Variants in LSP1 observed in about 807,000 individuals in gnomAD.
LSP1 encodes lymphocyte specific protein 1.
LSP1 carries 32 observed loss-of-function variants against 49.3 expected under a neutral mutation model. The ratio of observed to expected loss-of-function variants is 0.65; its 90% CI spans 0.49 to 0.87. The LOEUF is 0.87. LSP1 is among the 40% of genes least tolerant of loss of function. The pLI is 0.00. For missense variants in LSP1, 428 were observed against 442.6 expected (o/e 0.97, Z 0.30); for synonymous variants, 179 against 178.8 (o/e 1.00, Z -0.01).
intron 1 of LSP1, among the ~76,000 whole-genome samples, chr11:1,874,016 C>T (rs1343413923): frequency 2.0e-4 from 25 of 126,116 alleles, no homozygotes; most frequent in Non-Finnish European, 3.2e-4. Context: ...GCAGGGAGGC[C>T]GGCAGAGGAG....
At chr11:1,890,742 T>G (rs2133146781) in intron 10 of LSP1, 1 of 602,502 alleles carries the variant, frequency 1.7e-6, no homozygotes, top group African/African-American at 1.9e-5. Flanking sequence ...GCCAGGGACA[T>G]GCTGAGCTCG....
chr11:1,881,355 C>A, intron 2 of LSP1, 77 bp from the exon 3 acceptor site: 1 of 1,384,664 alleles, frequency 7.2e-7, no homozygotes. Context: ...CCTGAGCGGG[C>A]GCCGTGAGGT....
intron 1 of LSP1, among the ~76,000 whole-genome samples, chr11:1,861,259 C>T (rs1847621805): frequency 6.6e-6 from 1 of 152,238 alleles, no homozygotes; most frequent in Non-Finnish European, 1.5e-5. Context: ...CTCCAGAACT[C>T]CATATGCCTT....
At chr11:1,862,022 GATGGATGGATGAATGGATGGATGA>G (rs377172549) in intron 1 of LSP1, among the ~76,000 whole-genome samples, 1 of 151,830 alleles carries the variant, frequency 6.6e-6, no homozygotes, top group African/African-American at 2.4e-5. Flanking sequence ...TGAGTGGATG[GATGGATGGATGAATGGATGGATGA>G]ATGGATGGAT....
rs540564319 is a variant in LSP1, at chr11:1,868,057, C to T, written c.54-12030C>T. On this transcript the variant is annotated intron_variant, in intron 1 of 10. Transcript: ENST00000311604. Reference sequence around the variant, plus strand: ...GTCTGCCCTGTGCCTCCTGCCTGCCCCTGGGCAACTCGGGGCTCTCCCAGG... The same window carrying T: ...GTCTGCCCTGTGCCTCCTGCCTGCCTCTGGGCAACTCGGGGCTCTCCCAGG... Among the ~76,000 whole-genome samples, 24 of 152,346 alleles carry T rather than the reference C, an allele frequency of 1.6e-4. No homozygotes were observed. The South Asian group carries it at 4.1e-3, about 26-fold the overall frequency.
chr11:1,885,027 T>C (rs1848699090), intron 7 of LSP1, among the ~76,000 whole-genome samples: 2 of 151,836 alleles, frequency 1.3e-5, no homozygotes, highest in African/African-American at 4.8e-5. Flanking sequence ...TCAATCCCCC[T>C]TTATCCAACC....
intron 1 of LSP1, among the ~76,000 whole-genome samples, chr11:1,877,443 C>A (rs1026603370): frequency 6.6e-6 from 1 of 152,172 alleles, no homozygotes; most frequent in African/African-American, 2.4e-5. Flanking sequence ...CTACTCTGTC[C>A]CCCAGGCCCC....
intron 1 of LSP1, among the ~76,000 whole-genome samples, chr11:1,856,448 C>A (rs1847491659): frequency 6.6e-6 from 1 of 152,256 alleles, no homozygotes; most frequent in Non-Finnish European, 1.5e-5. Context: ...CCTTCAAAGG[C>A]CTGCCCAGCC....
intron 1 of LSP1, among the ~76,000 whole-genome samples, chr11:1,873,789 G>C (rs1210973585): frequency 6.6e-6 from 1 of 151,972 alleles, no homozygotes; most frequent in African/African-American, 2.4e-5. Flanking sequence ...CCATCAGGGT[G>C]GCAACCAGAA....
At chr11:1,853,386 C>A (rs951362548) in intron 1 of LSP1, among the ~76,000 whole-genome samples, 189 bp downstream of exon 1, 3 of 152,232 alleles carry the variant, frequency 2.0e-5, no homozygotes, top group Non-Finnish European at 2.9e-5. Context: ...TGGGACCCCC[C>A]TCTCACAACA....
intron 1 of LSP1, among the ~76,000 whole-genome samples, chr11:1,858,291 G>C (rs1020606992): frequency 6.6e-6 from 1 of 152,144 alleles, no homozygotes; most frequent in Non-Finnish European, 1.5e-5. Flanking sequence ...TGCCCTTCCC[G>C]GGGTCTCTCT....
At chr11:1,868,824 G>A (rs545139320) in intron 1 of LSP1, 288 of 985,794 alleles carry the variant, frequency 2.9e-4, no homozygotes, top group Admixed American at 2.5e-3. Context: ...AGTCCCAGCC[G>A]GCGAACCAGA....
intron 1 of LSP1, chr11:1,866,717 G>C: frequency 6.4e-7 from 1 of 1,550,568 alleles, no homozygotes; most frequent in Non-Finnish European, 8.7e-7. Context: ...TCTGTGGCCT[G>C]GGATTTGAGG....
At chr11:1,889,204 C>T in intron 10 of LSP1, 2 of 676,998 alleles carry the variant, frequency 3.0e-6, no homozygotes, top group Non-Finnish European at 5.5e-6. Context: ...GGGCTCAGCT[C>T]CAGGATGGAG....
chr11:1,877,275 T>TGACTC, intron 1 of LSP1, among the ~76,000 whole-genome samples: 2 of 152,192 alleles, frequency 1.3e-5, no homozygotes, highest in East Asian at 1.9e-4. Flanking sequence ...GGGGCCCGCA[T>TGACTC]GACTCATATC....
chr11:1,870,949 G>A (rs1319348031), intron 1 of LSP1: 7 of 985,914 alleles, frequency 7.1e-6, no homozygotes, highest in Non-Finnish European at 7.2e-6. Flanking sequence ...AAGGCGGGAG[G>A]CGCAGCCGGG....
chr11:1,872,194 G>A (rs1848054442), intron 1 of LSP1, among the ~76,000 whole-genome samples: 2 of 135,274 alleles, frequency 1.5e-5, no homozygotes, highest in African/African-American at 2.8e-5. Flanking sequence ...GCTGGCGTGG[G>A]CACCTTTGGG....
At chr11:1,870,278 A>G in intron 1 of LSP1, 1 of 1,303,022 alleles carries the variant, frequency 7.7e-7, no homozygotes, top group Non-Finnish European at 1.0e-6. Context: ...GCTGAGGCTC[A>G]GGGAGGCACC....
chr11:1,880,672 T>G, intron 2 of LSP1: 1 of 158,116 alleles, frequency 6.3e-6, no homozygotes, highest in Non-Finnish European at 1.4e-5. Context: ...GCCTCTTTTG[T>G]TCCATTTTCT....
Sources: gnomAD v4.1 joint callset for allele counts (sites outside exome capture counted in the v4.1 genomes callset) on GRCh38, gnomAD v4.1.1 for gene constraint, MANE v1.5 for transcripts, NCBI Gene and HGNC (gene_info 2026-07-23, HGNC 2026-07-21) for gene names.